Variants in ZFP2 observed in about 807,000 individuals in gnomAD.
ZFP2 encodes ZFP2 zinc finger protein, also known as zinc finger protein ZFP2.
In ZFP2, 33 loss-of-function variants were observed where a neutral mutation model predicts 36.1. The ratio of observed to expected loss-of-function variants is 0.92; its 90% CI spans 0.69 to 1.22. The LOEUF is 1.22. Among genes scored for constraint, ZFP2 ranks in the 50% most tolerant of loss-of-function variants. The pLI is 0.00. For synonymous variants in ZFP2, 170 were observed against 178.0 expected (o/e 0.96, Z 0.36); for missense variants, 522 against 551.4 (o/e 0.95, Z 0.53).
intron 4 of ZFP2, among the ~76,000 whole-genome samples, chr5:178,930,450 A>C (rs1758805038): frequency 6.7e-6 from 1 of 150,018 alleles, no homozygotes; most frequent in Admixed American, 6.7e-5. Flanking sequence ...CCTCCCAAGT[A>C]GCTAAGACTA....
intron 1 of ZFP2, among the ~76,000 whole-genome samples, chr5:178,902,056 AC>A (rs1267730279): frequency 6.6e-6 from 1 of 152,146 alleles, no homozygotes; most frequent in Non-Finnish European, 1.5e-5. Context: ...AATCGTTGGA[AC>A]CCAGGAGGCG....
intron 1 of ZFP2, chr5:178,910,536 G>T (rs942112516): frequency 5.5e-6 from 3 of 544,640 alleles, no homozygotes; most frequent in South Asian, 3.4e-5. Context: ...TTCTTGCTGG[G>T]GTCATGGTCT....
chr5:178,916,728 T>A lies in ZFP2; in HGVS notation c.-78+18T>A. Reference sequence around the variant, plus strand: ...ATCTATAGGTAAGTACTGGTACTCCTCTTACGGTGGAAGACATTGGCTCTG... The same window carrying A: ...ATCTATAGGTAAGTACTGGTACTCCACTTACGGTGGAAGACATTGGCTCTG... On this transcript the variant is annotated intron_variant, in intron 4 of 4. Transcript: ENST00000361362. 1.0e-6 allele frequency: 1 copy of A among 985,410 alleles called. No homozygotes were observed. The highest frequency in any genetic ancestry group is 1.2e-6 in the Non-Finnish European group (1 of 829,884). 61.0% of individuals were successfully genotyped at this position (985,410 alleles called of 1,614,324 possible). A position where few individuals can be genotyped will look rare whatever the true frequency, so the allele number is the denominator to read the frequency against.
At chr5:178,923,460 A>G (rs1758603255) in intron 4 of ZFP2, among the ~76,000 whole-genome samples, 1 of 149,856 alleles carries the variant, frequency 6.7e-6, no homozygotes, top group South Asian at 2.1e-4. Context: ...AAGTGGATTC[A>G]GCATGTCACT....
intron 1 of ZFP2, among the ~76,000 whole-genome samples, chr5:178,908,264 T>C (rs1053895616): frequency 1.6e-4 from 24 of 152,166 alleles, no homozygotes; most frequent in East Asian, 9.7e-4. Context: ...CTGGCTAACA[T>C]GGTGAAACCC....
intron 1 of ZFP2, among the ~76,000 whole-genome samples, chr5:178,900,174 T>G (rs1758025901): frequency 6.6e-6 from 1 of 152,206 alleles, no homozygotes; most frequent in African/African-American, 2.4e-5. Context: ...TTAAATCAGC[T>G]TTTTCTGAGG....
chr5:178,928,595 G>T (rs1286895247), intron 4 of ZFP2, among the ~76,000 whole-genome samples: 4 of 152,250 alleles, frequency 2.6e-5, no homozygotes, highest in African/African-American at 9.6e-5. Context: ...TCTGCTGCGA[G>T]GGGTGGAGTC....
chr5:178,910,930 C>CT (rs963732229), intron 1 of ZFP2, among the ~76,000 whole-genome samples: 3 of 152,186 alleles, frequency 2.0e-5, no homozygotes, highest in African/African-American at 7.2e-5. Context: ...AAAAAGGTTC[C>CT]TTTTAATAGG....
At position 178,932,836 on chromosome 5, in the gene ZFP2, A is replaced by C; in HGVS notation, c.*137A>C. The stretch of plus-strand genomic sequence containing the variant: ...AGTACAATATGTCATATCAGATAAT[A>C]CCACTGCAGAGAATCCATCTAAAAG... On this transcript the variant is annotated 3_prime_UTR_variant, in exon 5 of 5. Coordinates refer to ENST00000361362, the MANE Select transcript of ZFP2 (RefSeq NM_030613.4). 9.4e-7 allele frequency: 1 copy of C among 1,064,472 alleles called. No individual in the cohort carries two copies. The highest frequency in any genetic ancestry group is 2.7e-5 in the East Asian group (1 of 37,716). 65.9% of individuals were successfully genotyped at this position (1,064,472 alleles called of 1,614,324 possible). A position where few individuals can be genotyped will look rare whatever the true frequency, so the allele number is the denominator to read the frequency against.
At chr5:178,915,842 C>T (rs941889651) in intron 3 of ZFP2, 2 of 152,052 alleles carry the variant, frequency 1.3e-5, no homozygotes, top group African/African-American at 4.8e-5. Flanking sequence ...GTAGGCTCAC[C>T]GAATTGTCAT....
chr5:178,931,218 AAT>A lies in ZFP2; in HGVS notation c.-77-18_-77-17del. 6.9e-7 allele frequency: 1 copy of A among 1,447,466 alleles called. No individual in the cohort carries two copies. 89.7% of individuals were successfully genotyped at this position (1,447,466 alleles called of 1,614,324 possible). ...TAGCACAGAAACCAATGTGCATTTGAATTTTTTTTTTTTTTCAGACTGGGAGA... is the reference window on the plus strand; with the variant it reads ...TAGCACAGAAACCAATGTGCATTTGATTTTTTTTTTTTTCAGACTGGGAGA... On this transcript the variant is annotated splice_polypyrimidine_tract_variant and intron_variant, in intron 4 of 4. Transcript: ENST00000361362.
rs777894292 is a variant in ZFP2, at chr5:178,932,723, C to G, written c.*24C>G. 8.1e-5 allele frequency: 125 copies of G among 1,550,304 alleles called. No individual in the cohort carries two copies. Among genetic ancestry groups the G allele is most frequent in the Non-Finnish European group, 9.2e-5 (106 of 1,151,706 alleles). On this transcript the variant is annotated 3_prime_UTR_variant, in exon 5 of 5. Coordinates refer to ENST00000361362, the MANE Select transcript of ZFP2 (RefSeq NM_030613.4). ...GAGGAATGTTTTCACTGGCCCTTACCTCATGATTAACTCTTCAGTAATAAT... is the reference window on the plus strand; with the variant it reads ...GAGGAATGTTTTCACTGGCCCTTACGTCATGATTAACTCTTCAGTAATAAT...
intron 4 of ZFP2, among the ~76,000 whole-genome samples, chr5:178,930,314 C>CTTTTTTTTTTTTTTTTTTTTTTTT (rs990713790): frequency 1.1e-4 from 8 of 71,372 alleles, no homozygotes; most frequent in Non-Finnish European, 2.0e-4. Context: ...TTTCCCTTTC[C>CTTTTTTTTTTTTTTTTTTTTTTTT]TTTTTTTTTT....
chr5:178,915,322 CT>C (rs769089977), intron 3 of ZFP2, among the ~76,000 whole-genome samples: 18,473 of 72,458 alleles, frequency 0.25, 1,318 homozygotes, highest in East Asian at 0.35. Flanking sequence ...GTTTTTCTTT[CT>C]TTTTTTTTTT....
In ZFP2 at chr5:178,920,823, C is replaced by T. The variant is rs1758546449; in HGVS notation, c.-78+4113C>T. On this transcript the variant is annotated intron_variant, in intron 4 of 4. Transcript: ENST00000361362. ...ATAATTGTATCATCTCACTTGATGT[C>T]TGTTGGTTATCTTTTCCCATGTAAG... Among the ~76,000 whole-genome samples, 11 of 152,126 alleles carry T rather than the reference C, an allele frequency of 7.2e-5. 1 individual carries two copies. In the South Asian group the frequency reaches 2.3e-3, roughly 32 times the overall value.
At position 178,921,079 on chromosome 5, in the gene ZFP2, T is replaced by C. The variant is rs145568870; in HGVS notation, c.-78+4369T>C. On this transcript the variant is annotated intron_variant, in intron 4 of 4. Coordinates refer to ENST00000361362, the MANE Select transcript of ZFP2 (RefSeq NM_030613.4). ...TTGTCAGAGACTTCACATTGTTGCT[T>C]GAATCTTGCTCACATGTGTGTCACT... is the stretch of plus-strand genomic sequence containing the variant. Among the ~76,000 whole-genome samples the C allele has an allele frequency of 3.3e-5, 5 of 152,314 alleles. No individual in the cohort carries two copies. The East Asian group carries it at 9.6e-4, about 29-fold the overall frequency.
In ZFP2 at chr5:178,915,322, C is replaced by CTTTTTT. The variant is rs769089977; in HGVS notation, c.-223-1225_-223-1220dup. On this transcript the variant is annotated intron_variant, in intron 3 of 4. Transcript: ENST00000361362. ...GGTTAGAACCTAAAGGTTTTTCTTT[C>CTTTTTT]TTTTTTTTTTTTTTTTTTTTTTTGA... Among the ~76,000 whole-genome samples, 47 of 72,686 alleles carry CTTTTTT rather than the reference C, an allele frequency of 6.5e-4. 1 individual carries two copies. Among genetic ancestry groups the CTTTTTT allele is most frequent in the Non-Finnish European group, 7.5e-4 (30 of 40,254 alleles). The allele number at this position is 72,686 out of a possible 152,430, so 47.7% of individuals were successfully genotyped here.
At chr5:178,928,555 CTTT>C (rs568318365) in intron 4 of ZFP2, among the ~76,000 whole-genome samples, 2 of 152,220 alleles carry the variant, frequency 1.3e-5, no homozygotes, top group Non-Finnish European at 2.9e-5. Context: ...AAATTATTTT[CTTT>C]GACTCTGTAT....
chr5:178,910,353 T>C lies in ZFP2; in HGVS notation c.-449-2231T>C, dbSNP rs190935481. 2.1e-4 allele frequency: 227 copies of C among 1,076,136 alleles called. 2 individuals are homozygous for C. The East Asian group carries it at 5.2e-3, about 25-fold the overall frequency. The allele number at this position is 1,076,136 out of a possible 1,614,324, so 66.7% of individuals were successfully genotyped here. A position where few individuals can be genotyped will look rare whatever the true frequency, so the allele number is the denominator to read the frequency against. On this transcript the variant is annotated intron_variant, in intron 1 of 4. Coordinates refer to ENST00000361362, the MANE Select transcript of ZFP2 (RefSeq NM_030613.4). ...GCACCTGAACAGTTCTTCCAACCCC[T>C]GCAAGGAAGACTCCTCGGCACTGGA...
Sources: allele counts gnomAD v4.1 joint callset (sites outside exome capture counted in the v4.1 genomes callset), GRCh38; gene constraint gnomAD v4.1.1; transcripts MANE v1.5; gene names NCBI Gene and HGNC (gene_info 2026-07-23, HGNC 2026-07-21).